The following CSMD3 variants were observed in gnomAD, a reference collection of about 807,000 sequenced individuals.
The protein encoded by CSMD3 is CUB and sushi domain-containing protein 3.
In CSMD3, 177 loss-of-function variants were observed where a neutral mutation model predicts 435.2. The ratio of observed to expected loss-of-function variants is 0.41; its 90% CI spans 0.36 to 0.46. The LOEUF is 0.46. CSMD3 is among the 20% of genes least tolerant of loss of function. The pLI is 0.34. For missense variants in CSMD3, 4,265 were observed against 4,504.6 expected (o/e 0.95, Z 1.52); for synonymous variants, 1,656 against 1,520.5 (o/e 1.09, Z -2.07).
At chr8:112,499,655 A>G (rs939789012) in intron 30 of CSMD3, among the ~76,000 whole-genome samples, 1 of 152,190 alleles carries the variant, frequency 6.6e-6, no homozygotes, top group Admixed American at 6.5e-5. Context: ...TTATTTTGAT[A>G]GTTTGAAATA....
intron 12 of CSMD3, among the ~76,000 whole-genome samples, chr8:112,825,410 T>TTTG (rs145600692): frequency 4.1e-4 from 63 of 152,092 alleles, no homozygotes; most frequent in African/African-American, 9.6e-4. Context: ...TTTTCATCTT[T>TTTG]TTGTTGTTGT....
intron 35 of CSMD3, among the ~76,000 whole-genome samples, chr8:112,392,715 C>T (rs1830530956): frequency 6.6e-6 from 1 of 151,534 alleles, no homozygotes; most frequent in Admixed American, 6.6e-5. Flanking sequence ...CTCCCTATGG[C>T]TGGTATGTTT....
chr8:113,386,145 T>C (rs1001073804), intron 1 of CSMD3, among the ~76,000 whole-genome samples: 1 of 152,028 alleles, frequency 6.6e-6, no homozygotes, highest in Non-Finnish European at 1.5e-5. Flanking sequence ...AGCCCAAATA[T>C]ATGGAAATGC....
At chr8:112,765,391 T>C (rs1439014106) in intron 13 of CSMD3, among the ~76,000 whole-genome samples, 1 of 151,458 alleles carries the variant, frequency 6.6e-6, no homozygotes, top group East Asian at 1.9e-4. Context: ...AAGGGAGGGA[T>C]ATAGGATGAT....
chr8:113,371,533 A>T (rs547302196), intron 1 of CSMD3, among the ~76,000 whole-genome samples: 2 of 152,226 alleles, frequency 1.3e-5, no homozygotes, highest in South Asian at 2.1e-4. Flanking sequence ...GTTTATTCTT[A>T]TTCATCTTTT....
intron 61 of CSMD3, among the ~76,000 whole-genome samples, chr8:112,258,797 TG>T (rs1816071756): frequency 6.6e-6 from 1 of 152,168 alleles, no homozygotes; most frequent in Non-Finnish European, 1.5e-5. Flanking sequence ...CCCAGCACTT[TG>T]GGAGGCCAAG....
At chr8:112,572,123 CATT>C (rs1035126161) in intron 24 of CSMD3, among the ~76,000 whole-genome samples, 1 of 151,708 alleles carries the variant, frequency 6.6e-6, no homozygotes, top group Non-Finnish European at 1.5e-5. Context: ...TACTCAATAT[CATT>C]ACTCAATATC....
intron 68 of CSMD3, among the ~76,000 whole-genome samples, chr8:112,234,124 C>T (rs1813344628): frequency 6.6e-6 from 1 of 150,858 alleles, no homozygotes; most frequent in Admixed American, 6.6e-5. Context: ...CACCCATACC[C>T]TCCCCCACAC....
chr8:112,707,790 C>T lies in CSMD3; in HGVS notation c.1973-17740G>A, dbSNP rs1045655052. 3.3e-5 allele frequency among the ~76,000 whole-genome samples: 5 copies of T among 151,842 alleles called. No homozygotes were observed. In the South Asian group the frequency reaches 6.2e-4, roughly 19 times the overall value. On this transcript the variant is annotated intron_variant, in intron 13 of 70. Transcript: ENST00000297405. ...TAACAGGTAACTTCTTACTATTATC[C>T]GCATTTTAACTCTTATAAATTCTAG... is the stretch of plus-strand genomic sequence containing the variant.
rs1475774187 is a variant in CSMD3 at position 112,556,924 on chromosome 8, C to T, written c.4073G>A (p.Gly1358Asp). 6.2e-6 allele frequency: 10 copies of T among 1,611,712 alleles called. No individual in the cohort carries two copies. The Admixed American group carries it at 6.7e-5, about 11-fold the overall frequency. The change falls in exon 25 of 71, where the codon GGC becomes GAC. Residue 1358 changes from glycine (G) to aspartate (D), a missense_variant. Gly to Asp is a moderately conservative substitution (Grantham distance 94). Around this residue, in one of 3 missense-constraint regions of CSMD3, gnomAD observed 3,255 missense variants for 3,380.2 expected, o/e 0.96. Coordinates refer to ENST00000297405, the MANE Select transcript of CSMD3 (RefSeq NM_198123.2). Reference protein sequence around the residue: ...SFELSHCEDPGIPQFGYKISD... With the variant: ...SFELSHCEDPDIPQFGYKISD... ...GATCTTGTATCCAAATTGTGGAATG[C>T]CAGGATCTTCACAGTGTGAGAGTTC...
chr8:112,944,421 A>C lies in CSMD3; in HGVS notation c.1508+3369T>G, dbSNP rs552582631. ...CCTCTCTTTCCAATGCCACCAATAG[A>C]TTTCTCTCTATAGAATTATTTGTAC... is the stretch of plus-strand genomic sequence containing the variant. On this transcript the variant is annotated intron_variant, in intron 9 of 70. Coordinates refer to ENST00000297405, the MANE Select transcript of CSMD3 (RefSeq NM_198123.2). Among the ~76,000 whole-genome samples, 13 of 151,628 alleles carry C rather than the reference A, an allele frequency of 8.6e-5. No individual in the cohort carries two copies. In the South Asian group the frequency reaches 1.5e-3, roughly 17 times the overall value.
chr8:113,233,959 A>C (rs764296634), intron 3 of CSMD3, among the ~76,000 whole-genome samples: 1 of 152,094 alleles, frequency 6.6e-6, no homozygotes, highest in Non-Finnish European at 1.5e-5. Flanking sequence ...CTGCACATAC[A>C]GTAGGTTCTA....
intron 52 of CSMD3, among the ~76,000 whole-genome samples, chr8:112,302,885 T>C (rs571633987): frequency 2.0e-5 from 3 of 151,290 alleles, no homozygotes; most frequent in South Asian, 2.1e-4. Flanking sequence ...CTAATATTTA[T>C]ATTATTTTCA....
chr8:112,596,893 A>G (rs957788473), intron 22 of CSMD3, among the ~76,000 whole-genome samples: 3 of 151,784 alleles, frequency 2.0e-5, no homozygotes, highest in African/African-American at 7.2e-5. Context: ...TTATAGCACT[A>G]AATGCCCACA....
chr8:112,394,120 G>T (rs1830673584), intron 35 of CSMD3, among the ~76,000 whole-genome samples: 1 of 152,014 alleles, frequency 6.6e-6, no homozygotes, highest in African/African-American at 2.4e-5. Flanking sequence ...TCATCTTAGG[G>T]ATTGTCACCA....
intron 4 of CSMD3, among the ~76,000 whole-genome samples, chr8:113,135,577 T>C (rs1200711540): frequency 6.6e-6 from 1 of 151,758 alleles, no homozygotes; most frequent in Admixed American, 6.6e-5. Context: ...CCAGTGAGAG[T>C]ATGTGTGTTT....
intron 36 of CSMD3, 106 bp from the exon 37 acceptor site, chr8:112,383,769 T>A: frequency 1.3e-6 from 1 of 772,048 alleles, no homozygotes; most frequent in South Asian, 1.4e-5. Flanking sequence ...CTGAACCACA[T>A]AATTGTGACC....
rs570562274 is a variant in CSMD3 at position 113,069,554 on chromosome 8, C to G, written c.917+29202G>C. Among the ~76,000 whole-genome samples, 23 of 152,022 alleles carry G rather than the reference C, an allele frequency of 1.5e-4. No individual in the cohort carries two copies. The East Asian group carries it at 3.7e-3, about 24-fold the overall frequency. Reference sequence around the variant, plus strand: ...GAACAAAAATCTGACTTACAGTGGCCCTAATGAATAGATATTTATTGATCT... The same window carrying G: ...GAACAAAAATCTGACTTACAGTGGCGCTAATGAATAGATATTTATTGATCT... On this transcript the variant is annotated intron_variant, in intron 5 of 70. Transcript: ENST00000297405.
intron 5 of CSMD3, among the ~76,000 whole-genome samples, chr8:113,020,456 A>T (rs1205474144): frequency 6.6e-6 from 1 of 152,150 alleles, no homozygotes. Flanking sequence ...TGACATCATG[A>T]AATAGAAAAA....
Sources: gnomAD v4.1 joint callset for allele counts (sites outside exome capture counted in the v4.1 genomes callset) on GRCh38, gnomAD v4.1.1 for gene constraint, gnomAD v4.1.1 regional missense constraint, MANE v1.5 for transcripts, NCBI Gene and HGNC (gene_info 2026-07-23, HGNC 2026-07-21) for gene names.